The following TNFAIP8 variants were observed in gnomAD, a reference collection of about 807,000 sequenced individuals.
TNFAIP8 encodes the protein tumor necrosis factor alpha-induced protein 8.
Under a neutral mutation model 13.3 loss-of-function variants are expected in TNFAIP8, and 7 were observed. That is an observed-to-expected ratio of 0.52 (90% confidence interval 0.30 to 0.99). The LOEUF is 0.99. Among genes scored for constraint, TNFAIP8 ranks in the 50% least tolerant of loss-of-function variants. The probability of loss-of-function intolerance (pLI) is 0.07; values close to 1 mark genes in which losing one functional copy is unlikely to be tolerated. For missense variants in TNFAIP8, 258 were observed against 236.9 expected (o/e 1.09, Z -0.58); for synonymous variants, 94 against 87.6 (o/e 1.07, Z -0.41).
At chr5:119,370,138 A>C (rs1752017957) in intron 1 of TNFAIP8, among the ~76,000 whole-genome samples, 2 of 152,196 alleles carry the variant, frequency 1.3e-5, no homozygotes, top group South Asian at 2.1e-4. Flanking sequence ...ATTTTGCCAC[A>C]GAAGCAGCTC....
intron 1 of TNFAIP8, among the ~76,000 whole-genome samples, chr5:119,330,391 G>A (rs974305699): frequency 6.6e-6 from 1 of 152,190 alleles, no homozygotes; most frequent in Non-Finnish European, 1.5e-5. Flanking sequence ...TGATGATTTT[G>A]TTGAATGTGC....
intron 1 of TNFAIP8, among the ~76,000 whole-genome samples, chr5:119,380,135 C>A (rs971795077): frequency 1.3e-5 from 2 of 152,264 alleles, no homozygotes; most frequent in Non-Finnish European, 2.9e-5. Context: ...CTGAGCCTCA[C>A]TTCTCTTATC....
chr5:119,327,032 C>T (rs1750245347), intron 1 of TNFAIP8, among the ~76,000 whole-genome samples: 1 of 152,078 alleles, frequency 6.6e-6, no homozygotes, highest in African/African-American at 2.4e-5. Context: ...AAGTATATAC[C>T]ACAGGATAGG....
Position 119,397,528 on chromosome 5 carries a change from C to T in TNFAIP8, c.*4147C>T, listed in dbSNP as rs897219666. 1 of 152,126 alleles carries T rather than the reference C, an allele frequency of 6.6e-6. No homozygotes were observed. Among genetic ancestry groups the T allele is most frequent in the African/African-American group, 2.4e-5 (1 of 41,416 alleles). The allele number at this position is 152,126 out of a possible 1,614,324, so 9.4% of individuals were successfully genotyped here. A position where few individuals can be genotyped will look rare whatever the true frequency, so the allele number is the denominator to read the frequency against. On this transcript the variant is annotated 3_prime_UTR_variant, in exon 2 of 2. Transcript: ENST00000504771. ...ATATATTGCATTCTTGAGCATTAGG[C>T]TTCTAGGTGATTTGTTAAACTCATA...
In TNFAIP8 at chr5:119,397,959, G is replaced by A. The variant is rs182723340; in HGVS notation, c.*4578G>A. On this transcript the variant is annotated 3_prime_UTR_variant, in exon 2 of 2. Coordinates refer to ENST00000504771, the MANE Select transcript of TNFAIP8 (RefSeq NM_014350.4). ...CAAAGAACATCAGCCCCACGTTATAGGGAACAAGCGAGTCCCAAATCGTAC... is the reference window on the plus strand; with the variant it reads ...CAAAGAACATCAGCCCCACGTTATAAGGAACAAGCGAGTCCCAAATCGTAC... 69 of 152,322 alleles carry A rather than the reference G, an allele frequency of 4.5e-4. No homozygotes were observed. Among genetic ancestry groups the A allele is most frequent in the African/African-American group, 1.6e-3 (65 of 41,578 alleles). The allele number at this position is 152,322 out of a possible 1,614,324, so 9.4% of individuals were successfully genotyped here.
At chr5:119,327,248 G>A (rs746553892) in intron 1 of TNFAIP8, among the ~76,000 whole-genome samples, 4 of 152,138 alleles carry the variant, frequency 2.6e-5, no homozygotes, top group Non-Finnish European at 5.9e-5. Context: ...GGATGGGGGC[G>A]GATGTGTGTT....
chr5:119,314,690 A>T (rs1177289214), intron 1 of TNFAIP8, among the ~76,000 whole-genome samples: 1 of 152,204 alleles, frequency 6.6e-6, no homozygotes, highest in East Asian at 1.9e-4. Flanking sequence ...TCAGCTTTGG[A>T]GCCAGAGAGA....
chr5:119,376,306 G>A (rs1234249751), intron 1 of TNFAIP8, among the ~76,000 whole-genome samples: 1 of 151,932 alleles, frequency 6.6e-6, no homozygotes, highest in Non-Finnish European at 1.5e-5. Flanking sequence ...GTAGAGATGG[G>A]CTTTCACCAT....
intron 1 of TNFAIP8, among the ~76,000 whole-genome samples, chr5:119,279,097 T>C (rs1198710210): frequency 1.3e-5 from 2 of 152,200 alleles, no homozygotes; most frequent in African/African-American, 4.8e-5. Context: ...GAGTGCTTTA[T>C]ACACATTATT....
intron 1 of TNFAIP8, among the ~76,000 whole-genome samples, chr5:119,373,522 G>A (rs1312786622): frequency 6.6e-6 from 1 of 152,178 alleles, no homozygotes; most frequent in Non-Finnish European, 1.5e-5. Context: ...TGCTGCTGTT[G>A]AGTAGTTTTC....
intron 1 of TNFAIP8, among the ~76,000 whole-genome samples, chr5:119,327,494 T>A (rs1187724131): frequency 6.6e-6 from 1 of 152,238 alleles, no homozygotes; most frequent in Non-Finnish European, 1.5e-5. Flanking sequence ...AGTCTCGCTC[T>A]GTTACCCAGG....
upstream of TNFAIP8, chr5:119,355,942 C>A: frequency 7.0e-7 from 1 of 1,436,274 alleles, no homozygotes. Flanking sequence ...TGCACCAGAA[C>A]CCGCTCTCCC....
At chr5:119,353,712 G>A (rs1453354291), upstream of TNFAIP8, among the ~76,000 whole-genome samples, 2 of 142,572 alleles carry the variant, frequency 1.4e-5, no homozygotes, top group Non-Finnish European at 3.2e-5. Context: ...GCACATTAAA[G>A]GACATGTATT....
intron 1 of TNFAIP8, among the ~76,000 whole-genome samples, chr5:119,324,753 C>A (rs1357294645): frequency 6.6e-6 from 1 of 151,904 alleles, no homozygotes; most frequent in African/African-American, 2.4e-5. Flanking sequence ...AGAGGCACTC[C>A]TTATTGTCAC....
intron 1 of TNFAIP8, among the ~76,000 whole-genome samples, chr5:119,356,786 A>G (rs1751442302): frequency 6.6e-6 from 1 of 152,084 alleles, no homozygotes; most frequent in African/African-American, 2.4e-5. Context: ...CAGGGCTGGA[A>G]AAGCTCCAAC....
rs376335031 is a variant in TNFAIP8, at chr5:119,392,891, A to G, written c.107A>G (p.Lys36Arg). 431 of 1,585,176 alleles carry G rather than the reference A, an allele frequency of 2.7e-4. No homozygotes were observed. Among genetic ancestry groups the G allele is most frequent in the Non-Finnish European group, 3.6e-4 (416 of 1,165,630 alleles). Residue 36 changes from lysine to arginine, a missense_variant, in exon 2 of 2, where the codon AAA becomes AGA. Physicochemically the swap from Lys to Arg is conservative, Grantham distance 26 (BLOSUM62 2). Coordinates refer to ENST00000504771, the MANE Select transcript of TNFAIP8 (RefSeq NM_014350.4). The stretch of plus-strand genomic sequence containing the variant: ...AAGATCTTGGGTAAAATGGTGTCCA[A>G]ATCCATCGCCACCACCTTAATAGAC... ...QKKILGKMVS[K>R]SIATTLIDDT...
At chr5:119,280,932 A>G (rs1046499820) in intron 1 of TNFAIP8, among the ~76,000 whole-genome samples, 1 of 151,948 alleles carries the variant, frequency 6.6e-6, no homozygotes, top group African/African-American at 2.4e-5. Flanking sequence ...TTATGAGCTC[A>G]TGGAATTAAA....
chr5:119,362,371 G>A (rs1292916502), intron 1 of TNFAIP8, among the ~76,000 whole-genome samples: 1 of 152,132 alleles, frequency 6.6e-6, no homozygotes, highest in Admixed American at 6.5e-5. Flanking sequence ...CTTTCCCAGG[G>A]GGACATTGTA....
intron 1 of TNFAIP8, among the ~76,000 whole-genome samples, chr5:119,374,735 G>A (rs1752216290): frequency 6.6e-6 from 1 of 152,176 alleles, no homozygotes; most frequent in South Asian, 2.1e-4. Flanking sequence ...TTACCCAAGT[G>A]CTGGAATGGC....
Sources: gnomAD v4.1 joint callset for allele counts (sites outside exome capture counted in the v4.1 genomes callset) on GRCh38, gnomAD v4.1.1 for gene constraint, MANE v1.5 for transcripts, NCBI Gene and HGNC (gene_info 2026-07-23, HGNC 2026-07-21) for gene names.